Variants in CACNB2 observed in about 807,000 individuals in gnomAD.
CACNB2 encodes the protein calcium voltage-gated channel auxiliary subunit beta 2, also known as voltage-dependent L-type calcium channel subunit beta-2.
In CACNB2, 42 loss-of-function variants were observed where a neutral mutation model predicts 73.3. The observed-to-expected ratio is 0.57, with a 90% CI of 0.45 to 0.74. CACNB2 has a LOEUF of 0.74. Among genes scored for constraint, CACNB2 ranks in the 30% least tolerant of loss-of-function variants. CACNB2 has a pLI of 0.00. For synonymous variants in CACNB2, 348 were observed against 310.3 expected (o/e 1.12, Z -1.28); for missense variants, 940 against 853.0 (o/e 1.10, Z -1.27).
chr10:18,539,946 C>G lies in CACNB2; in HGVS notation c.*222C>G. 1 of 530,822 alleles carries G rather than the reference C, an allele frequency of 1.9e-6. No homozygotes were observed. The allele number at this position is 530,822 out of a possible 1,614,324, so 32.9% of individuals were successfully genotyped here. A position where few individuals can be genotyped will look rare whatever the true frequency, so the allele number is the denominator to read the frequency against. ...AAATTGGCCTGGTATGGCTGCAGTCCTCCGGTTGCATACTGGACTCTTCAA... is the reference window on the plus strand; with the variant it reads ...AAATTGGCCTGGTATGGCTGCAGTCGTCCGGTTGCATACTGGACTCTTCAA... On this transcript the variant is annotated 3_prime_UTR_variant, in exon 14 of 14. Transcript: ENST00000324631.
At chr10:18,245,894 A>T (rs2036841186) in intron 2 of CACNB2, among the ~76,000 whole-genome samples, 2 of 152,212 alleles carry the variant, frequency 1.3e-5, no homozygotes, top group African/African-American at 4.8e-5. Flanking sequence ...CATAGTGCTT[A>T]TATTAATCAG....
intron 2 of CACNB2, among the ~76,000 whole-genome samples, chr10:18,388,664 G>T (rs755899286): frequency 6.6e-6 from 1 of 152,102 alleles, no homozygotes; most frequent in Non-Finnish European, 1.5e-5. Context: ...GCCTGCTTAA[G>T]TACCTAACCT....
At chr10:18,389,642 T>C (rs2043377544) in intron 2 of CACNB2, among the ~76,000 whole-genome samples, 1 of 152,190 alleles carries the variant, frequency 6.6e-6, no homozygotes. Context: ...TTAAACTAGT[T>C]CCTAGAAGTG....
intron 2 of CACNB2, among the ~76,000 whole-genome samples, chr10:18,282,911 A>G (rs138312725): frequency 3.9e-5 from 6 of 152,374 alleles, no homozygotes; most frequent in African/African-American, 1.4e-4. Flanking sequence ...AATGTTTACA[A>G]TCTACCCATC....
chr10:18,225,054 C>T (rs2035938421), intron 2 of CACNB2, among the ~76,000 whole-genome samples: 1 of 152,180 alleles, frequency 6.6e-6, no homozygotes, highest in Non-Finnish European at 1.5e-5. Flanking sequence ...GCCAAGGCTA[C>T]ATAATTACTT....
chr10:18,464,930 G>C (rs1372549985), intron 3 of CACNB2, among the ~76,000 whole-genome samples: 1 of 152,244 alleles, frequency 6.6e-6, no homozygotes, highest in Non-Finnish European at 1.5e-5. Context: ...ATATTCAACA[G>C]AATGGGGCAG....
chr10:18,505,259 AC>A (rs1441506342), intron 5 of CACNB2, among the ~76,000 whole-genome samples: 1 of 151,842 alleles, frequency 6.6e-6, no homozygotes, highest in East Asian at 1.9e-4. Flanking sequence ...AAAAAAAAAA[AC>A]TTCTGGGGAA....
intron 2 of CACNB2, among the ~76,000 whole-genome samples, chr10:18,203,445 C>T (rs565364196): frequency 5.3e-5 from 8 of 152,224 alleles, no homozygotes; most frequent in Admixed American, 2.6e-4. Context: ...GGTAACACAC[C>T]GTGAGTGAGA....
intron 3 of CACNB2, among the ~76,000 whole-genome samples, chr10:18,487,000 T>C (rs1004479971): frequency 7.9e-5 from 12 of 152,192 alleles, no homozygotes; most frequent in African/African-American, 2.2e-4. Context: ...AAGTGCGTCA[T>C]CTGGTTTCAT....
intron 3 of CACNB2, among the ~76,000 whole-genome samples, chr10:18,438,455 T>A (rs2046257775): frequency 6.6e-6 from 1 of 152,186 alleles, no homozygotes; most frequent in Non-Finnish European, 1.5e-5. Context: ...TGGAGAGAAC[T>A]TATGCCCAAA....
intron 2 of CACNB2, among the ~76,000 whole-genome samples, chr10:18,193,972 A>G (rs1233048809): frequency 1.3e-5 from 2 of 152,160 alleles, no homozygotes; most frequent in African/African-American, 4.8e-5. Flanking sequence ...AAAAAATAAA[A>G]AGAAAAAGTA....
chr10:18,299,844 A>T (rs2039437699), intron 2 of CACNB2, among the ~76,000 whole-genome samples: 1 of 152,194 alleles, frequency 6.6e-6, no homozygotes, highest in Admixed American at 6.5e-5. Context: ...ATGTCACGAG[A>T]AAGAGCAGCT....
chr10:18,159,531 A>G (rs896294548), intron 2 of CACNB2, among the ~76,000 whole-genome samples: 1 of 152,204 alleles, frequency 6.6e-6, no homozygotes, highest in African/African-American at 2.4e-5. Flanking sequence ...AATGGAATGA[A>G]CCAAATATTT....
At chr10:18,140,896 G>T (rs1200545280) in intron 1 of CACNB2, 40 bp downstream of exon 1, 22 of 1,563,538 alleles carry the variant, frequency 1.4e-5, no homozygotes, top group East Asian at 2.3e-5. Context: ...TTTGTGAGCC[G>T]CCGGGCAGGG....
intron 2 of CACNB2, among the ~76,000 whole-genome samples, chr10:18,340,090 A>T (rs1001580399): frequency 4.6e-5 from 7 of 151,994 alleles, no homozygotes; most frequent in Non-Finnish European, 8.8e-5. Context: ...CTTGTTTTCC[A>T]TGTTCTTTTA....
At chr10:18,475,977 T>C (rs2048420322) in intron 3 of CACNB2, among the ~76,000 whole-genome samples, 1 of 152,028 alleles carries the variant, frequency 6.6e-6, no homozygotes, top group African/African-American at 2.4e-5. Flanking sequence ...AGCAATTTGT[T>C]AGAGAAGTTA....
chr10:18,515,073 T>C, intron 7 of CACNB2: 2 of 1,535,682 alleles, frequency 1.3e-6, no homozygotes, highest in Non-Finnish European at 1.8e-6. Context: ...ATATAAATAT[T>C]CTCCCGATGT....
chr10:18,160,992 C>T (rs2032415984), intron 2 of CACNB2, among the ~76,000 whole-genome samples: 1 of 152,064 alleles, frequency 6.6e-6, no homozygotes, highest in South Asian at 2.1e-4. Flanking sequence ...TTACAAAGAC[C>T]TGAGTTGGTG....
At chr10:18,489,904 GTC>G (rs976542962) in intron 3 of CACNB2, among the ~76,000 whole-genome samples, 2 of 151,910 alleles carry the variant, frequency 1.3e-5, no homozygotes, top group African/African-American at 4.8e-5. Flanking sequence ...TTGAGACAGG[GTC>G]TCTCTCTGTT....
Sources: gnomAD v4.1 joint callset for allele counts (sites outside exome capture counted in the v4.1 genomes callset) on GRCh38, gnomAD v4.1.1 for gene constraint, MANE v1.5 for transcripts, NCBI Gene and HGNC (gene_info 2026-07-23, HGNC 2026-07-21) for gene names.